Variants in MCTP2 observed in about 807,000 individuals in gnomAD.
The protein encoded by MCTP2 is multiple C2 and transmembrane domain containing 2.
Under a neutral mutation model 111.6 loss-of-function variants are expected in MCTP2, and 132 were observed. The observed-to-expected ratio is 1.18, with a 90% CI of 1.03 to 1.37. MCTP2 has a LOEUF of 1.37. Ranked by LOEUF, MCTP2 falls within the 40% of genes most tolerant of loss-of-function variation. The pLI is 0.00. For missense variants in MCTP2, 1,183 were observed against 1,067.9 expected, an observed-to-expected ratio of 1.11 and a Z score of -1.50; for synonymous variants, 395 against 387.7, an observed-to-expected ratio of 1.02 and a Z score of -0.22.
chr15:94,437,155 C>CAA (rs11352999), intron 17 of MCTP2, among the ~76,000 whole-genome samples: 588 of 68,724 alleles, frequency 8.6e-3, no homozygotes, highest in East Asian at 0.013. Context: ...CTTACACATC[C>CAA]AAAAAAAAAA....
Position 94,466,321 on chromosome 15 carries a change from G to GAGAGT in MCTP2, c.2361-4010_2361-4006dup, listed in dbSNP as rs570376502. Among the ~76,000 whole-genome samples the GAGAGT allele has an allele frequency of 2.0e-3, 306 of 152,174 alleles. 1 individual carries two copies. The highest frequency in any genetic ancestry group is 7.2e-3 in the African/African-American group (300 of 41,528). ...CCTATATTCCTTGGATTTTCATGTG[G>GAGAGT]AGAGTACTCAAACATCATAGTTGAT... On this transcript the variant is annotated intron_variant, in intron 20 of 22. Transcript: ENST00000357742.
At chr15:94,475,298 C>G (rs995910942) in intron 21 of MCTP2, among the ~76,000 whole-genome samples, 2 of 152,134 alleles carry the variant, frequency 1.3e-5, no homozygotes, top group Non-Finnish European at 2.9e-5. Flanking sequence ...TTGCTAGGAA[C>G]CTTCACCAGC....
intron 7 of MCTP2, 58 bp downstream of exon 7, chr15:94,340,982 A>G (rs2077609204): frequency 9.4e-7 from 1 of 1,067,896 alleles, no homozygotes; most frequent in Non-Finnish European, 1.5e-6. Flanking sequence ...GAAATGGCTC[A>G]TTGCAATTGT....
chr15:94,398,535 C>T (rs2081392765), intron 14 of MCTP2, among the ~76,000 whole-genome samples: 1 of 152,174 alleles, frequency 6.6e-6, no homozygotes, highest in Non-Finnish European at 1.5e-5. Flanking sequence ...TTCAAGGACC[C>T]AATCCAGAAT....
intron 12 of MCTP2, among the ~76,000 whole-genome samples, chr15:94,377,070 A>G (rs2079815753): frequency 6.6e-6 from 1 of 152,210 alleles, no homozygotes; most frequent in African/African-American, 2.4e-5. Context: ...AATAGTGACT[A>G]CAAGTTTTTT....
intron 4 of MCTP2, among the ~76,000 whole-genome samples, chr15:94,321,251 G>A (rs1288055348): frequency 6.6e-6 from 1 of 152,016 alleles, no homozygotes; most frequent in Non-Finnish European, 1.5e-5. Flanking sequence ...GCTCAGTAGG[G>A]TGACTATACT....
intron 17 of MCTP2, among the ~76,000 whole-genome samples, chr15:94,404,301 A>G (rs6497204): frequency 0.15 from 22,136 of 143,588 alleles, 1,870 homozygotes; most frequent in Non-Finnish European, 0.17. Context: ...CTTATTTTTT[A>G]TTGTTTTTTT....
At chr15:94,244,056 A>G (rs1303785318) in intron 1 of MCTP2, among the ~76,000 whole-genome samples, 2 of 147,514 alleles carry the variant, frequency 1.4e-5, no homozygotes, top group Non-Finnish European at 3.0e-5. Flanking sequence ...ATATGTATAC[A>G]CATACATATG....
intron 12 of MCTP2, among the ~76,000 whole-genome samples, chr15:94,371,492 AGCGCTTTTC>A (rs2079482017): frequency 6.6e-6 from 1 of 152,196 alleles, no homozygotes; most frequent in African/African-American, 2.4e-5. Context: ...GTTTACATGC[AGCGCTTTTC>A]GAATGCACTG....
intron 20 of MCTP2, among the ~76,000 whole-genome samples, chr15:94,463,928 A>G (rs569222109): frequency 6.6e-6 from 1 of 152,006 alleles, no homozygotes; most frequent in Admixed American, 6.6e-5. Flanking sequence ...AATAAACCCA[A>G]CATTATTGTT....
chr15:94,282,372 A>G (rs1449148257), intron 1 of MCTP2, among the ~76,000 whole-genome samples: 3 of 152,082 alleles, frequency 2.0e-5, no homozygotes, highest in Non-Finnish European at 2.9e-5. Context: ...AATTTCTGTC[A>G]TGAGTGATTC....
At chr15:94,323,738 C>T (rs1190347020) in intron 4 of MCTP2, among the ~76,000 whole-genome samples, 1 of 152,114 alleles carries the variant, frequency 6.6e-6, no homozygotes, top group Admixed American at 6.5e-5. Flanking sequence ...AGCTCACCTT[C>T]GTTAGCAATC....
chr15:94,345,842 C>T (rs116565794), intron 8 of MCTP2, among the ~76,000 whole-genome samples: 116 of 152,214 alleles, frequency 7.6e-4, no homozygotes, highest in African/African-American at 2.7e-3. Flanking sequence ...AGAAATTATA[C>T]TTTGTAAGGA....
intron 1 of MCTP2, among the ~76,000 whole-genome samples, chr15:94,262,563 T>C (rs1287529952): frequency 1.3e-5 from 2 of 152,212 alleles, no homozygotes; most frequent in African/African-American, 4.8e-5. Context: ...ATATTGCTTC[T>C]CAAAGCATAT....
At chr15:94,450,948 T>G (rs1250631576) in intron 19 of MCTP2, among the ~76,000 whole-genome samples, 3 of 152,242 alleles carry the variant, frequency 2.0e-5, no homozygotes, top group Non-Finnish European at 4.4e-5. Flanking sequence ...TTTGATGGTG[T>G]TAATTCTCTG....
rs970163469 is a variant in MCTP2, at chr15:94,234,017, A to G, written c.-66+2353A>G. Among the ~76,000 whole-genome samples the G allele has an allele frequency of 3.3e-5, 5 of 152,284 alleles. No homozygotes were observed. The East Asian group carries it at 5.8e-4, about 18-fold the overall frequency. ...CAGGTAGAATATTTTGCCTGCGTCA[A>G]TCTTGGCACAGATTTTTTTTTTCCC... is the stretch of plus-strand genomic sequence containing the variant. On this transcript the variant is annotated intron_variant, in intron 1 of 22. Coordinates refer to ENST00000357742, the MANE Select transcript of MCTP2 (RefSeq NM_001385001.1).
At chr15:94,374,463 G>T (rs1344625071) in intron 12 of MCTP2, among the ~76,000 whole-genome samples, 4 of 152,072 alleles carry the variant, frequency 2.6e-5, no homozygotes, top group Non-Finnish European at 5.9e-5. Flanking sequence ...AATGTGTTGG[G>T]GTTAATTCAG....
intron 4 of MCTP2, among the ~76,000 whole-genome samples, chr15:94,318,817 T>A (rs951084354): frequency 5.3e-5 from 8 of 152,334 alleles, no homozygotes; most frequent in African/African-American, 1.9e-4. Flanking sequence ...GTGCACTTGC[T>A]CCATATCTTG....
chr15:94,472,781 C>A (rs1179114058), intron 21 of MCTP2, among the ~76,000 whole-genome samples: 2 of 152,160 alleles, frequency 1.3e-5, no homozygotes, highest in Non-Finnish European at 2.9e-5. Context: ...TAAAAACTGC[C>A]ATGCCATCCT....
Sources: allele counts gnomAD v4.1 joint callset (sites outside exome capture counted in the v4.1 genomes callset), GRCh38; gene constraint gnomAD v4.1.1; transcripts MANE v1.5; gene names NCBI Gene and HGNC (gene_info 2026-07-23, HGNC 2026-07-21).